The following PRDM2 variants were observed in gnomAD, a reference collection of about 807,000 sequenced individuals.
PRDM2 encodes the protein PR domain zinc finger protein 2.
A neutral mutation model predicts 130.0 loss-of-function variants in PRDM2; 30 were observed. That is an observed-to-expected ratio of 0.23 (90% CI 0.17 to 0.31). The LOEUF (loss-of-function observed/expected upper bound fraction) is 0.31. PRDM2 is among the 10% of genes least tolerant of loss of function. The pLI is 1.00. For missense variants in PRDM2, 2,011 were observed against 2,108.4 expected, an observed-to-expected ratio of 0.95 and a Z score of 0.90; for synonymous variants, 871 against 782.4, an observed-to-expected ratio of 1.11 and a Z score of -1.89.
intron 6 of PRDM2, among the ~76,000 whole-genome samples, chr1:13,768,085 T>G (rs1328855595): frequency 6.7e-6 from 1 of 148,774 alleles, no homozygotes; most frequent in Middle Eastern, 3.4e-3. Context: ...TTTTTTTTTT[T>G]TTTTTTTTTT....
At chr1:13,786,393 C>G in intron 8 of PRDM2, 1 of 1,348,496 alleles carries the variant, frequency 7.4e-7, no homozygotes, top group East Asian at 2.3e-5. Context: ...TGCCTTCAGT[C>G]ATGTATGTGT....
At chr1:13,757,727 A>T (rs1327102338) in intron 6 of PRDM2, among the ~76,000 whole-genome samples, 3 of 147,138 alleles carry the variant, frequency 2.0e-5, no homozygotes, top group African/African-American at 7.5e-5. Flanking sequence ...AGGTGGTGAC[A>T]TTTTGTTTTT....
intron 2 of PRDM2, chr1:13,717,420 A>G: frequency 1.0e-6 from 1 of 985,366 alleles, no homozygotes. Flanking sequence ...CTGCGTTAGA[A>G]TGGTTGTGAG....
intron 9 of PRDM2, among the ~76,000 whole-genome samples, chr1:13,822,346 G>A (rs143943448): frequency 6.6e-6 from 1 of 152,078 alleles, no homozygotes; most frequent in East Asian, 1.9e-4. Flanking sequence ...GAAGTTCCCA[G>A]TTGTGGATCA....
At chr1:13,772,570 G>T (rs1425877698) in intron 6 of PRDM2, among the ~76,000 whole-genome samples, 1 of 152,210 alleles carries the variant, frequency 6.6e-6, no homozygotes, top group Non-Finnish European at 1.5e-5. Context: ...TTGTGAATGT[G>T]TATCTTTTGA....
At chr1:13,778,266 T>G in intron 7 of PRDM2, 152 bp from the exon 8 acceptor site, 1 of 820,172 alleles carries the variant, frequency 1.2e-6, no homozygotes, top group East Asian at 2.5e-5. Flanking sequence ...CTTTGTCAAT[T>G]AAGTATATAA....
Position 13,781,612 on chromosome 1 carries a change from A to G in PRDM2, c.3817A>G (p.Ile1273Val), listed in dbSNP as rs762839039. 2 of 1,613,630 alleles carry G rather than the reference A, an allele frequency of 1.2e-6. No homozygotes were observed. The highest frequency in any genetic ancestry group is 1.1e-5 in the South Asian group (1 of 91,084). ...TTCCTCTGAAGAGCTTTACACGACT[A>G]TAAAAATAATGGCTTCTGGAATAAA... The part of the protein sequence containing the change: ...NDSSEELYTT[I>V]KIMASGIKTK... Residue 1273 changes from isoleucine (I) to valine (V), a missense_variant, in exon 8 of 10, where the codon ATA (isoleucine) becomes GTA (valine). Ile to Val is a conservative substitution (Grantham distance 29). Transcript: ENST00000311066. The surrounding 1 kb of genome is among the most constrained non-coding windows in gnomAD (Gnocchi z 6.1).
intron 8 of PRDM2, among the ~76,000 whole-genome samples, chr1:13,809,302 A>T (rs143670229): frequency 3.0e-3 from 452 of 152,270 alleles, no homozygotes; most frequent in African/African-American, 0.01. Flanking sequence ...CCAGTGTGGA[A>T]GTGAGAAGTC....
Position 13,781,074 on chromosome 1 carries a change from T to A in PRDM2, c.3279T>A (p.Ala1093=). ...SVVSSGDNLE[A]SLPMISFKQE... ...TTTCCTCTGGTGATAATCTGGAGGC[T>A]TCTCTCCCCATGATATCTTTCAAAC... Residue 1093 remains alanine (A), a synonymous_variant, in exon 8 of 10, where the codon GCT becomes GCA. Transcript: ENST00000311066. This position sits in a 1 kb window ranked among gnomAD's most constrained non-coding sequence, Gnocchi z 6.1. 6.2e-7 allele frequency: 1 copy of A among 1,613,626 alleles called. No individual in the cohort carries two copies. Among genetic ancestry groups the A allele is most frequent in the Non-Finnish European group, 8.5e-7 (1 of 1,179,538 alleles).
chr1:13,783,229 AT>A, intron 8 of PRDM2: 1 of 502,224 alleles, frequency 2.0e-6, no homozygotes, highest in South Asian at 1.5e-5. Context: ...CACTAAGTTC[AT>A]TAGTAAACCA....
At chr1:13,711,124 G>T (rs114155321) in intron 1 of PRDM2, among the ~76,000 whole-genome samples, 2,224 of 151,790 alleles carry the variant, frequency 0.015, 26 homozygotes, top group South Asian at 0.035. Flanking sequence ...AATTGCTAAG[G>T]TTTCAGTGAT....
chr1:13,792,383 A>G (rs1644854154), intron 8 of PRDM2, among the ~76,000 whole-genome samples: 1 of 152,180 alleles, frequency 6.6e-6, no homozygotes, highest in Admixed American at 6.5e-5. Context: ...CAGCAGTTGA[A>G]TTTGTCGTAG....
chr1:13,713,937 C>A (rs1022223379), intron 1 of PRDM2, among the ~76,000 whole-genome samples: 1 of 141,438 alleles, frequency 7.1e-6, no homozygotes, highest in Non-Finnish European at 1.6e-5. Context: ...GGCACGATCT[C>A]GGCTCACTGC....
chr1:13,774,637 C>T (rs1309857206), intron 7 of PRDM2, among the ~76,000 whole-genome samples: 3 of 152,044 alleles, frequency 2.0e-5, no homozygotes, highest in Admixed American at 6.6e-5. Context: ...TTCAGTAATT[C>T]GAGACAATTA....
At position 13,803,905 on chromosome 1, in the gene PRDM2, T is replaced by C. The variant is rs1347104166; in HGVS notation, c.5037-12522T>C. Among the ~76,000 whole-genome samples, 1 of 152,170 alleles carries C rather than the reference T, an allele frequency of 6.6e-6. No individual in the cohort carries two copies. Among genetic ancestry groups the C allele is most frequent in the Admixed American group, 6.5e-5 (1 of 15,280 alleles). ...CAAAGCAGGGGCGTGATTGATCTTT[T>C]GGGAGCGTGGAGGCCACATTGGGGG... On this transcript the variant is annotated intron_variant, in intron 8 of 9. Coordinates refer to ENST00000311066, the MANE Select transcript of PRDM2 (RefSeq NM_001393986.1). This position sits in a 1 kb window ranked among gnomAD's most constrained non-coding sequence, Gnocchi z 6.2.
intron 8 of PRDM2, among the ~76,000 whole-genome samples, chr1:13,807,928 A>G (rs957551225): frequency 3.9e-5 from 6 of 152,074 alleles, no homozygotes; most frequent in African/African-American, 1.2e-4. Context: ...CCTCTGCCCA[A>G]TCCTTCCCCG....
At chr1:13,721,255 A>G (rs1034620324) in intron 2 of PRDM2, among the ~76,000 whole-genome samples, 5 of 152,170 alleles carry the variant, frequency 3.3e-5, no homozygotes, top group South Asian at 2.1e-4. Flanking sequence ...ATGTCTATTC[A>G]TAATCTTAAT....
At chr1:13,717,509 C>T (rs1424067584) in intron 2 of PRDM2, 3 of 813,462 alleles carry the variant, frequency 3.7e-6, no homozygotes, top group East Asian at 2.5e-4. Context: ...GATATGTCTA[C>T]ATCTTTAACC....
chr1:13,711,602 C>T (rs1459695391), intron 1 of PRDM2, among the ~76,000 whole-genome samples: 3 of 152,164 alleles, frequency 2.0e-5, no homozygotes, highest in Admixed American at 6.5e-5. Context: ...TGAGAGACTC[C>T]GCCCAGGTCT....
Sources: allele counts gnomAD v4.1 joint callset (sites outside exome capture counted in the v4.1 genomes callset), GRCh38; gene constraint gnomAD v4.1.1; non-coding constraint Gnocchi (gnomAD v3.1); transcripts MANE v1.5; gene names NCBI Gene and HGNC (gene_info 2026-07-23, HGNC 2026-07-21).